RIPOR2: variants seen among roughly 807,000 people sequenced by gnomAD.
RIPOR2 encodes RHO family interacting cell polarization regulator 2.
Under a neutral mutation model 114.5 loss-of-function variants are expected in RIPOR2, and 39 were observed. That is an observed-to-expected ratio of 0.34 (90% CI 0.26 to 0.44). The LOEUF (loss-of-function observed/expected upper bound fraction) is 0.44, where lower values mean the gene tolerates loss of function less well. Among genes scored for constraint, RIPOR2 ranks in the 20% least tolerant of loss-of-function variants. The pLI, the probability that RIPOR2 is intolerant of heterozygous loss-of-function variation, is 1.00. For synonymous variants in RIPOR2, 445 were observed against 484.4 expected (o/e 0.92, Z 1.07); for missense variants, 1,007 against 1,255.1 (o/e 0.80, Z 2.99).
Position 24,872,923 on chromosome 6 carries a change from C to T in RIPOR2, c.381G>A (p.Lys127=), listed in dbSNP as rs767880402. ...YLEVHQTELD[K]LTAQLKDMKR... is the part of the protein sequence containing the mutation. ...TCATATCTTTTAACTGAGCTGTCAA[C>T]TTGTCCAGCTCCGTCTGGTGAACCT... The change falls in exon 4 of 22, where the codon AAG becomes AAA. Residue 127 remains lysine, a synonymous_variant. Transcript: ENST00000643898. 4 of 1,612,690 alleles carry T rather than the reference C, an allele frequency of 2.5e-6. No individual in the cohort carries two copies. Among genetic ancestry groups the T allele is most frequent in the Non-Finnish European group, 3.4e-6 (4 of 1,178,936 alleles).
At chr6:25,040,001 T>TA (rs2113780853) in intron 1 of RIPOR2, among the ~76,000 whole-genome samples, 1 of 152,364 alleles carries the variant, frequency 6.6e-6, no homozygotes, top group South Asian at 2.1e-4. Flanking sequence ...TACATGTTCC[T>TA]AAGCCACTCA....
intron 1 of RIPOR2, among the ~76,000 whole-genome samples, chr6:25,029,566 G>A (rs1023373333): frequency 6.6e-6 from 1 of 152,046 alleles, no homozygotes; most frequent in Non-Finnish European, 1.5e-5. Context: ...GATGAGCAGG[G>A]GCAAGACCAG....
intron 1 of RIPOR2, among the ~76,000 whole-genome samples, chr6:25,019,362 AC>A (rs1776178942): frequency 6.6e-6 from 1 of 152,050 alleles, no homozygotes; most frequent in African/African-American, 2.4e-5. Context: ...GCCTTAAAAA[AC>A]GTATGCCCTT....
chr6:24,942,214 C>T (rs1281113262), intron 1 of RIPOR2, among the ~76,000 whole-genome samples: 1 of 152,026 alleles, frequency 6.6e-6, no homozygotes, highest in African/African-American at 2.4e-5. Context: ...GTACTTGATC[C>T]TTTGGTAAAT....
chr6:24,932,818 A>G (rs1171140361), intron 1 of RIPOR2, among the ~76,000 whole-genome samples: 1 of 152,228 alleles, frequency 6.6e-6, no homozygotes, highest in Non-Finnish European at 1.5e-5. Context: ...TATGTTACGG[A>G]AAACTCATTG....
intron 1 of RIPOR2, among the ~76,000 whole-genome samples, chr6:24,893,017 T>C (rs1767525212): frequency 6.6e-6 from 1 of 152,072 alleles, no homozygotes. Context: ...GGCAACAGAG[T>C]GAGACCCTGT....
intron 1 of RIPOR2, chr6:25,015,453 T>G (rs2183067): frequency 0.38 from 57,811 of 152,050 alleles, 13,864 homozygotes; most frequent in Non-Finnish European, 0.53. Context: ...AAGAGCAGCA[T>G]CATCTGTGCA....
chr6:24,912,050 C>T (rs1217975961), intron 1 of RIPOR2, among the ~76,000 whole-genome samples: 1 of 152,166 alleles, frequency 6.6e-6, no homozygotes, highest in African/African-American at 2.4e-5. Context: ...GGCACTGCAT[C>T]CTCGGGCTGG....
At position 24,859,719 on chromosome 6, in the gene RIPOR2, C is replaced by A. The variant is rs961574227; in HGVS notation, c.715+1254G>T. Among the ~76,000 whole-genome samples, 26 of 152,146 alleles carry A rather than the reference C, an allele frequency of 1.7e-4. 3 individuals carry two copies. The highest frequency in any genetic ancestry group is 1.6e-3 in the Admixed American group (25 of 15,266). Reference sequence around the variant, plus strand: ...TATTCTCAGACAGGCTCTTACATGTCAGTGCCTAGTGCTTGACAGAATAAT... The same window carrying A: ...TATTCTCAGACAGGCTCTTACATGTAAGTGCCTAGTGCTTGACAGAATAAT... On this transcript the variant is annotated intron_variant, in intron 8 of 21. Transcript: ENST00000643898.
At chr6:24,920,416 T>G (rs1770393712) in intron 1 of RIPOR2, among the ~76,000 whole-genome samples, 1 of 152,188 alleles carries the variant, frequency 6.6e-6, no homozygotes, top group African/African-American at 2.4e-5. Context: ...CCCAGGACAT[T>G]AAGCTCTCAA....
chr6:24,884,708 T>C (rs1472143691), intron 1 of RIPOR2, among the ~76,000 whole-genome samples: 2 of 152,186 alleles, frequency 1.3e-5, no homozygotes, highest in African/African-American at 4.8e-5. Flanking sequence ...TTCCTCCCCA[T>C]TTTAACAGGC....
At position 25,015,896 on chromosome 6, in the gene RIPOR2, G is replaced by GTTTTTTTTTTTTTTTTTTTTTTTTTT. The variant is rs869301317; in HGVS notation, c.76+25929_76+25954dup. 1.7e-4 allele frequency: 8 copies of GTTTTTTTTTTTTTTTTTTTTTTTTTT among 45,836 alleles called. 4 individuals carry two copies. The highest frequency in any genetic ancestry group is 2.8e-4 in the African/African-American group (4 of 14,068). The allele number at this position is 45,836 out of a possible 1,614,324, so 2.8% of individuals were successfully genotyped here. ...TCCCCTTAAAAACGCAGGTTTTTTG[G>GTTTTTTTTTTTTTTTTTTTTTTTTTT]TTTTTTTTTTTTTTTTTTTTTTTTT... On this transcript the variant is annotated intron_variant, in intron 1 of 13. Transcript: ENST00000510784.
At chr6:24,972,304 A>G (rs1773824808) in intron 1 of RIPOR2, among the ~76,000 whole-genome samples, 1 of 152,252 alleles carries the variant, frequency 6.6e-6, no homozygotes, top group East Asian at 1.9e-4. Context: ...GTAGTCAGCA[A>G]CAACAACAAA....
chr6:24,911,383 G>A (rs763167194), intron 1 of RIPOR2, among the ~76,000 whole-genome samples: 2 of 152,196 alleles, frequency 1.3e-5, no homozygotes, highest in Admixed American at 6.5e-5. Flanking sequence ...CAGAGGAAAG[G>A]AGCCGAGGCA....
intron 1 of RIPOR2, among the ~76,000 whole-genome samples, chr6:25,012,764 C>T (rs1395088510): frequency 1.3e-5 from 2 of 152,092 alleles, no homozygotes; most frequent in African/African-American, 2.4e-5. Context: ...CTAATGGGGA[C>T]CGGGTTTCCT....
chr6:24,840,112 G>T, intron 13 of RIPOR2: 1 of 705,568 alleles, frequency 1.4e-6, no homozygotes, highest in Non-Finnish European at 1.7e-6. Flanking sequence ...ACCACACCAG[G>T]CTAATTTTTT....
chr6:24,897,956 G>A (rs548913126), intron 1 of RIPOR2, among the ~76,000 whole-genome samples: 1 of 151,854 alleles, frequency 6.6e-6, no homozygotes, highest in East Asian at 2.0e-4. Flanking sequence ...CCCGGGAGGC[G>A]GAGGTTGCAG....
intron 1 of RIPOR2, among the ~76,000 whole-genome samples, chr6:25,029,826 A>C (rs9393608): frequency 0.22 from 33,006 of 152,164 alleles, 4,387 homozygotes; most frequent in East Asian, 0.59. Context: ...CTCAGTTAAA[A>C]GCTGGGTTAA....
intron 8 of RIPOR2, among the ~76,000 whole-genome samples, chr6:24,854,589 C>CAAA (rs1395669122): frequency 2.6e-5 from 4 of 152,112 alleles, no homozygotes; most frequent in African/African-American, 9.7e-5. Context: ...AATCACAAAG[C>CAAA]AAAGCACTTT....
Sources: allele counts gnomAD v4.1 joint callset (sites outside exome capture counted in the v4.1 genomes callset), GRCh38; gene constraint gnomAD v4.1.1; transcripts MANE v1.5; gene names NCBI Gene and HGNC (gene_info 2026-07-23, HGNC 2026-07-21).